The following IGSF11 variants were observed in gnomAD, a reference collection of about 807,000 sequenced individuals.
IGSF11 encodes immunoglobulin superfamily member 11.
A neutral mutation model predicts 41.0 loss-of-function variants in IGSF11; 22 were observed. The observed-to-expected ratio is 0.54, with a 90% confidence interval of 0.38 to 0.77. The LOEUF is 0.77. Among genes scored for constraint, IGSF11 ranks in the 30% least tolerant of loss-of-function variants. The pLI, the probability that IGSF11 is intolerant of heterozygous loss-of-function variation, is 0.00. For synonymous variants in IGSF11, 219 were observed against 201.3 expected (o/e 1.09, Z -0.74); for missense variants, 444 against 530.8 (o/e 0.84, Z 1.61).
intron 1 of IGSF11, among the ~76,000 whole-genome samples, chr3:118,936,421 C>T (rs1303971240): frequency 2.6e-5 from 4 of 151,224 alleles, no homozygotes; most frequent in South Asian, 2.1e-4. Context: ...GCAGGAGAGT[C>T]GCTTTAACCT....
chr3:118,950,305 C>G (rs1944479713), intron 1 of IGSF11, among the ~76,000 whole-genome samples: 1 of 152,114 alleles, frequency 6.6e-6, no homozygotes, highest in Non-Finnish European at 1.5e-5. Flanking sequence ...CAAGCTTTCT[C>G]CGGTTAAGTT....
chr3:119,059,179 T>TCACA (rs144416307), intron 1 of IGSF11, among the ~76,000 whole-genome samples: 3,989 of 147,886 alleles, frequency 0.027, 94 homozygotes, highest in East Asian at 0.083. Context: ...TATACACAGA[T>TCACA]CACACACACA....
intron 1 of IGSF11, among the ~76,000 whole-genome samples, chr3:119,043,966 C>A (rs1256669669): frequency 1.3e-5 from 2 of 152,082 alleles, no homozygotes; most frequent in East Asian, 3.9e-4. Flanking sequence ...AAAGAAGGAA[C>A]CAGAAAAGCA....
At chr3:119,002,375 CTT>C (rs1424520479) in intron 1 of IGSF11, among the ~76,000 whole-genome samples, 13 of 151,040 alleles carry the variant, frequency 8.6e-5, no homozygotes, top group African/African-American at 3.2e-4. Context: ...GATATTAGCC[CTT>C]TGTCAGATGA....
At position 119,127,075 on chromosome 3, in the gene IGSF11, A is replaced by C. The variant is rs1027678787; in HGVS notation, c.-14+18738T>G. Among the ~76,000 whole-genome samples, 4 of 152,146 alleles carry C rather than the reference A, an allele frequency of 2.6e-5. No individual in the cohort carries two copies. In the South Asian group the frequency reaches 6.2e-4, roughly 24 times the overall value. On this transcript the variant is annotated intron_variant, in intron 1 of 7. Transcript: ENST00000425327. ...GGCTTTGGAAGATGGGTACTAAAAA[A>C]CTATGATGAGTTAAAGAAGCATGTT...
intron 1 of IGSF11, among the ~76,000 whole-genome samples, chr3:119,074,220 A>G (rs1327566573): frequency 6.6e-6 from 1 of 152,190 alleles, no homozygotes; most frequent in African/African-American, 2.4e-5. Context: ...ATACATTCTC[A>G]TCTGCATATG....
At chr3:119,033,103 A>T (rs77994407) in intron 1 of IGSF11, among the ~76,000 whole-genome samples, 3,904 of 152,310 alleles carry the variant, frequency 0.026, 139 homozygotes, top group African/African-American at 0.088. Flanking sequence ...GAATTGTATC[A>T]ACTCTTTTAA....
intron 1 of IGSF11, among the ~76,000 whole-genome samples, chr3:119,008,841 C>G (rs1441625592): frequency 6.6e-6 from 1 of 151,994 alleles, no homozygotes. Context: ...GCAGGTGGGC[C>G]CCATCCAATC....
At chr3:119,130,813 C>T (rs1261123937) in intron 1 of IGSF11, among the ~76,000 whole-genome samples, 1 of 152,146 alleles carries the variant, frequency 6.6e-6, no homozygotes, top group African/African-American at 2.4e-5. Flanking sequence ...GGCAGGTGCC[C>T]CTCTGGGACG....
intron 1 of IGSF11, among the ~76,000 whole-genome samples, chr3:119,064,366 G>T (rs1942152634): frequency 2.0e-5 from 3 of 152,002 alleles, no homozygotes; most frequent in South Asian, 2.1e-4. Flanking sequence ...TGTGTAGGGG[G>T]TTTTCCCTCT....
At chr3:119,009,560 A>G (rs1178117230) in intron 1 of IGSF11, among the ~76,000 whole-genome samples, 1 of 152,170 alleles carries the variant, frequency 6.6e-6, no homozygotes, top group Non-Finnish European at 1.5e-5. Context: ...ACCTTCCACC[A>G]TGACTATAAG....
chr3:119,080,569 T>A (rs986914790), intron 1 of IGSF11, among the ~76,000 whole-genome samples: 1 of 152,196 alleles, frequency 6.6e-6, no homozygotes, highest in African/African-American at 2.4e-5. Context: ...GGCAGAAGCC[T>A]GAGATGGTGT....
intron 1 of IGSF11, among the ~76,000 whole-genome samples, chr3:118,931,757 A>T (rs1942872375): frequency 7.3e-6 from 1 of 136,780 alleles, no homozygotes; most frequent in Non-Finnish European, 1.6e-5. Flanking sequence ...TTTTTTTGAG[A>T]CAGTCTCGCT....
intron 1 of IGSF11, among the ~76,000 whole-genome samples, chr3:119,021,268 G>A (rs35866): frequency 0.4 from 60,970 of 151,876 alleles, 13,247 homozygotes; most frequent in Non-Finnish European, 0.49. Flanking sequence ...AGAAAAATTA[G>A]TATCATGAGA....
intron 1 of IGSF11, among the ~76,000 whole-genome samples, chr3:119,086,885 A>T (rs1274466277): frequency 5.9e-5 from 9 of 152,206 alleles, no homozygotes; most frequent in Non-Finnish European, 1.2e-4. Flanking sequence ...TGATGACAGG[A>T]TCAAAACCAC....
intron 1 of IGSF11, among the ~76,000 whole-genome samples, chr3:119,051,141 TATA>T (rs1189221207): frequency 6.7e-6 from 1 of 150,238 alleles, no homozygotes; most frequent in East Asian, 1.9e-4. Context: ...AAACTTAAAG[TATA>T]ATAATAATTA....
At chr3:118,931,850 A>G (rs141629014) in intron 1 of IGSF11, among the ~76,000 whole-genome samples, 7,577 of 151,282 alleles carry the variant, frequency 0.05, 322 homozygotes, top group Admixed American at 0.15. Context: ...CTCCTGCCTC[A>G]GCCTCCCAAG....
At chr3:118,923,788 TTA>T (rs1476541006) in intron 4 of IGSF11, among the ~76,000 whole-genome samples, 17 of 152,230 alleles carry the variant, frequency 1.1e-4, no homozygotes, top group Middle Eastern at 3.2e-3. Flanking sequence ...GAGATTTAGG[TTA>T]TGTGTTTTTG....
At chr3:118,976,103 T>C (rs1388236865) in intron 1 of IGSF11, among the ~76,000 whole-genome samples, 3 of 152,174 alleles carry the variant, frequency 2.0e-5, no homozygotes, top group Admixed American at 6.5e-5. Flanking sequence ...ATTCAAGTTA[T>C]GTGTTCCCAG....
Sources: allele counts gnomAD v4.1 joint callset (sites outside exome capture counted in the v4.1 genomes callset), GRCh38; gene constraint gnomAD v4.1.1; transcripts MANE v1.5; gene names NCBI Gene and HGNC (gene_info 2026-07-23, HGNC 2026-07-21).